The following ITGBL1 variants were observed in gnomAD, a reference collection of about 807,000 sequenced individuals.
The protein encoded by ITGBL1 is integrin subunit beta like 1.
In ITGBL1, 51 loss-of-function variants were observed where a neutral mutation model predicts 68.5. The observed-to-expected ratio is 0.74, with a 90% CI of 0.59 to 0.94. ITGBL1 has a LOEUF of 0.94. Ranked by LOEUF, ITGBL1 falls within the 40% of genes least tolerant of loss-of-function variation. The pLI is 0.00. For synonymous variants in ITGBL1, 209 were observed against 227.3 expected (o/e 0.92, Z 0.72); for missense variants, 649 against 647.4 (o/e 1.00, Z -0.03).
chr13:101,529,968 A>G (rs987011047), intron 2 of ITGBL1, among the ~76,000 whole-genome samples: 1 of 152,314 alleles, frequency 6.6e-6, no homozygotes, highest in African/African-American at 2.4e-5. Context: ...ACAATTTTCT[A>G]TCTAAAAAAA....
At chr13:101,462,814 C>T (rs985472953) in intron 2 of ITGBL1, among the ~76,000 whole-genome samples, 2 of 152,216 alleles carry the variant, frequency 1.3e-5, no homozygotes, top group Non-Finnish European at 2.9e-5. Flanking sequence ...AACTTCTGAC[C>T]TCAGGTGATC....
intron 7 of ITGBL1, among the ~76,000 whole-genome samples, chr13:101,609,542 A>G (rs2031027342): frequency 6.6e-6 from 1 of 152,104 alleles, no homozygotes; most frequent in Non-Finnish European, 1.5e-5. Context: ...AATAGAAGAG[A>G]CGATCTCATT....
At chr13:101,613,347 C>T (rs1337289845) in intron 7 of ITGBL1, among the ~76,000 whole-genome samples, 3 of 152,172 alleles carry the variant, frequency 2.0e-5, no homozygotes, top group African/African-American at 7.2e-5. Context: ...CAGGGTCCTC[C>T]TGTGTTCCCA....
intron 7 of ITGBL1, among the ~76,000 whole-genome samples, chr13:101,650,413 A>C (rs1011076048): frequency 1.3e-5 from 2 of 152,032 alleles, no homozygotes; most frequent in South Asian, 4.1e-4. Flanking sequence ...TCTTCCTTTG[A>C]CAGTAATTTT....
At chr13:101,616,790 C>G (rs1422438633) in intron 7 of ITGBL1, among the ~76,000 whole-genome samples, 1 of 152,254 alleles carries the variant, frequency 6.6e-6, no homozygotes, top group Non-Finnish European at 1.5e-5. Flanking sequence ...TGCAGGCAGC[C>G]GATAGCTAGT....
rs577408013 is a variant in ITGBL1 at position 101,709,319 on chromosome 13, T to A, written c.1279+2417T>A. Among the ~76,000 whole-genome samples the A allele has an allele frequency of 3.1e-5, 4 of 128,148 alleles. No individual in the cohort carries two copies. In the South Asian group the frequency reaches 7.9e-4, roughly 25 times the overall value. The allele number at this position is 128,148 out of a possible 152,430, so 84.1% of individuals were successfully genotyped here. A position where few individuals can be genotyped will look rare whatever the true frequency, so the allele number is the denominator to read the frequency against. Reference sequence around the variant, plus strand: ...AGCGGAGCTTGCAGTGAGCCGAGATTGCGCCACTGCAGTCCGCAGTCCGGC... The same window carrying A: ...AGCGGAGCTTGCAGTGAGCCGAGATAGCGCCACTGCAGTCCGCAGTCCGGC... On this transcript the variant is annotated intron_variant, in intron 9 of 10. Coordinates refer to ENST00000376180, the MANE Select transcript of ITGBL1 (RefSeq NM_004791.3).
intron 8 of ITGBL1, among the ~76,000 whole-genome samples, chr13:101,704,484 T>TAAAAAAA (rs57687698): frequency 1.5e-4 from 16 of 105,324 alleles, no homozygotes; most frequent in East Asian, 9.6e-4. Flanking sequence ...ATTCATTCAG[T>TAAAAAAA]AAAAAAAAAA....
chr13:101,695,143 G>T (rs912248937), intron 8 of ITGBL1, among the ~76,000 whole-genome samples: 2 of 152,182 alleles, frequency 1.3e-5, no homozygotes, highest in Admixed American at 1.3e-4. Flanking sequence ...TGAAGGCTAA[G>T]AAAGACTTCT....
At chr13:101,540,007 A>G (rs1002646775) in intron 2 of ITGBL1, among the ~76,000 whole-genome samples, 13 of 152,022 alleles carry the variant, frequency 8.6e-5, no homozygotes, top group South Asian at 2.1e-4. Context: ...TAGGTTGCCT[A>G]TTCACTCTGA....
chr13:101,494,981 G>A (rs191822144), intron 2 of ITGBL1, among the ~76,000 whole-genome samples: 1 of 152,302 alleles, frequency 6.6e-6, no homozygotes, highest in East Asian at 1.9e-4. Flanking sequence ...TAGACCAAGA[G>A]TGATGGGGAT....
At chr13:101,631,786 A>G (rs796853508) in intron 7 of ITGBL1, among the ~76,000 whole-genome samples, 9 of 152,334 alleles carry the variant, frequency 5.9e-5, no homozygotes, top group African/African-American at 1.7e-4. Flanking sequence ...ATGAAAGTCA[A>G]GAGGGTCTCC....
At chr13:101,598,353 A>T in intron 7 of ITGBL1, 54 bp downstream of exon 7, 1 of 1,332,596 alleles carries the variant, frequency 7.5e-7, no homozygotes. Flanking sequence ...ATTCAAATGA[A>T]TTCAATGCAC....
chr13:101,479,126 A>G (rs2048579183), intron 2 of ITGBL1, among the ~76,000 whole-genome samples: 1 of 152,072 alleles, frequency 6.6e-6, no homozygotes, highest in Non-Finnish European at 1.5e-5. Flanking sequence ...GACTGAAGGA[A>G]TAGAATAGAG....
At chr13:101,608,174 C>T (rs1352481458) in intron 7 of ITGBL1, among the ~76,000 whole-genome samples, 1 of 151,998 alleles carries the variant, frequency 6.6e-6, no homozygotes, top group Non-Finnish European at 1.5e-5. Context: ...AATTAGCATG[C>T]TTTAATTAAT....
chr13:101,699,348 C>T (rs1483389259), intron 8 of ITGBL1, among the ~76,000 whole-genome samples: 2 of 152,154 alleles, frequency 1.3e-5, no homozygotes, highest in African/African-American at 4.8e-5. Context: ...TCTGCCCTTC[C>T]AGTATGACGT....
intron 2 of ITGBL1, among the ~76,000 whole-genome samples, chr13:101,549,185 C>A: frequency 6.6e-6 from 1 of 151,664 alleles, no homozygotes; most frequent in Admixed American, 6.6e-5. Flanking sequence ...CTTCAAAAAC[C>A]TGTCTAGCCA....
chr13:101,522,987 C>T (rs1005560964), intron 2 of ITGBL1, among the ~76,000 whole-genome samples: 13 of 152,148 alleles, frequency 8.5e-5, no homozygotes, highest in African/African-American at 2.2e-4. Flanking sequence ...ATTCCTCTCT[C>T]GTCCAAAGAT....
chr13:101,671,427 T>TTTTTTG, intron 7 of ITGBL1, among the ~76,000 whole-genome samples: 1 of 73,446 alleles, frequency 1.4e-5, no homozygotes, highest in Middle Eastern at 9.4e-3. Flanking sequence ...TATACCTTTG[T>TTTTTTG]TTTTTTTTTG....
At chr13:101,465,937 G>A (rs1324576010) in intron 2 of ITGBL1, among the ~76,000 whole-genome samples, 2 of 152,134 alleles carry the variant, frequency 1.3e-5, no homozygotes, top group Non-Finnish European at 2.9e-5. Flanking sequence ...AGAGCGTAGA[G>A]GATAAAGACA....
Sources: allele counts gnomAD v4.1 joint callset (sites outside exome capture counted in the v4.1 genomes callset), GRCh38; gene constraint gnomAD v4.1.1; transcripts MANE v1.5; gene names NCBI Gene and HGNC (gene_info 2026-07-23, HGNC 2026-07-21).